The following EDIL3 variants were observed in gnomAD, a reference collection of about 807,000 sequenced individuals.
EDIL3 encodes EGF-like repeat and discoidin I-like domain-containing protein 3.
A neutral mutation model predicts 67.4 loss-of-function variants in EDIL3; 37 were observed. That is an observed-to-expected ratio of 0.55 (90% CI 0.42 to 0.72). The LOEUF (loss-of-function observed/expected upper bound fraction) is 0.72, where lower values mean the gene tolerates loss of function less well. Ranked by LOEUF, EDIL3 falls within the 30% of genes least tolerant of loss-of-function variation. EDIL3 has a pLI of 0.00. For missense variants in EDIL3, 527 were observed against 586.3 expected (o/e 0.90, Z 1.04); for synonymous variants, 195 against 196.3 (o/e 0.99, Z 0.05).
At chr5:84,193,294 G>C (rs1743629377) in intron 3 of EDIL3, among the ~76,000 whole-genome samples, 2 of 151,914 alleles carry the variant, frequency 1.3e-5, no homozygotes, top group Non-Finnish European at 2.9e-5. Flanking sequence ...TGGTGGGCTG[G>C]TAGGTATGGA....
intron 4 of EDIL3, among the ~76,000 whole-genome samples, chr5:84,169,245 T>C (rs1356256001): frequency 6.6e-6 from 1 of 152,136 alleles, no homozygotes; most frequent in African/African-American, 2.4e-5. Context: ...TAATTATAGA[T>C]TCATATCCAT....
At chr5:84,066,735 G>C (rs964400112) in intron 6 of EDIL3, 129 bp from the exon 7 acceptor site, 3 of 1,225,740 alleles carry the variant, frequency 2.4e-6, no homozygotes, top group Non-Finnish European at 3.3e-6. Context: ...TAATTTTCAT[G>C]GATAAATGTT....
chr5:83,947,840 C>G (rs1321148356), intron 10 of EDIL3, among the ~76,000 whole-genome samples: 1 of 151,844 alleles, frequency 6.6e-6, no homozygotes, highest in Non-Finnish European at 1.5e-5. Context: ...ATAATTGACA[C>G]AAACCTCTCA....
chr5:84,275,799 G>A (rs1427943819), intron 1 of EDIL3, among the ~76,000 whole-genome samples: 1 of 152,174 alleles, frequency 6.6e-6, no homozygotes, highest in African/African-American at 2.4e-5. Flanking sequence ...CCTAGAGGGA[G>A]GAAGTGGATG....
intron 2 of EDIL3, among the ~76,000 whole-genome samples, chr5:84,236,178 C>T (rs571750071): frequency 6.6e-6 from 1 of 152,054 alleles, no homozygotes; most frequent in East Asian, 1.9e-4. Context: ...ATTTTTGCCA[C>T]TGAGTAAGAA....
intron 3 of EDIL3, among the ~76,000 whole-genome samples, chr5:84,225,753 G>A (rs1444635546): frequency 6.6e-6 from 1 of 151,336 alleles, no homozygotes; most frequent in African/African-American, 2.4e-5. Flanking sequence ...AACTCTGTGT[G>A]CCTATAGAAT....
Position 84,082,946 on chromosome 5 carries a change from C to T in EDIL3, c.652-16340G>A, listed in dbSNP as rs570661839. On this transcript the variant is annotated intron_variant, in intron 6 of 10. Transcript: ENST00000296591. Reference sequence around the variant, plus strand: ...AATCAGACCTACACTGTCAATATTCCGTAATCTCTTAACACGTCCCCTGAT... The same window carrying T: ...AATCAGACCTACACTGTCAATATTCTGTAATCTCTTAACACGTCCCCTGAT... 2.6e-5 allele frequency among the ~76,000 whole-genome samples: 4 copies of T among 152,176 alleles called. No individual in the cohort carries two copies. The East Asian group carries it at 7.7e-4, about 29-fold the overall frequency.
intron 5 of EDIL3, 126 bp downstream of exon 5, chr5:84,137,115 G>T: frequency 1.5e-6 from 1 of 679,812 alleles, no homozygotes. Context: ...TTTTGGCCCA[G>T]ATTTCAAAAT....
At chr5:84,061,703 T>C (rs563089285) in intron 8 of EDIL3, among the ~76,000 whole-genome samples, 2 of 152,248 alleles carry the variant, frequency 1.3e-5, no homozygotes, top group Admixed American at 6.5e-5. Context: ...AATTACTTAA[T>C]AAACATAAAG....
intron 9 of EDIL3, among the ~76,000 whole-genome samples, chr5:83,970,863 C>T (rs1370119417): frequency 1.3e-5 from 2 of 151,330 alleles, no homozygotes; most frequent in African/African-American, 4.8e-5. Context: ...TTGGACAGAA[C>T]AAAGTTGGTG....
Position 84,111,708 on chromosome 5 carries a change from T to C in EDIL3, c.470-4878A>G, listed in dbSNP as rs927469426. 7.4e-4 allele frequency among the ~76,000 whole-genome samples: 112 copies of C among 152,140 alleles called. 1 individual carries two copies. The highest frequency in any genetic ancestry group is 2.6e-3 in the African/African-American group (108 of 41,432). ...TGAATCAAGTGTGGGTGTCAGGTGA[T>C]CAGAGATGGCCTTTCTGAGAGGTTA... On this transcript the variant is annotated intron_variant, in intron 5 of 10. Transcript: ENST00000296591.
chr5:84,180,567 A>G, intron 3 of EDIL3, 46 bp from the exon 4 acceptor site: 1 of 1,510,204 alleles, frequency 6.6e-7, no homozygotes, highest in Non-Finnish European at 8.8e-7. Context: ...TATTCTTAAA[A>G]GTAGACATTA....
Position 83,981,634 on chromosome 5 carries a change from G to C in EDIL3, c.1138-18274C>G, listed in dbSNP as rs553767372. 2.6e-5 allele frequency among the ~76,000 whole-genome samples: 4 copies of C among 152,104 alleles called. No homozygotes were observed. In the East Asian group the frequency reaches 7.7e-4, roughly 29 times the overall value. ...AAAACACTAAATCCGTGAATGCAAA[G>C]TAACCGATGATTAGCCAACTTCTGA... is the stretch of plus-strand genomic sequence containing the variant. On this transcript the variant is annotated intron_variant, in intron 9 of 10. Coordinates refer to ENST00000296591, the MANE Select transcript of EDIL3 (RefSeq NM_005711.5).
At chr5:84,010,111 C>T (rs73145928) in intron 9 of EDIL3, among the ~76,000 whole-genome samples, 8,084 of 152,192 alleles carry the variant, frequency 0.053, 666 homozygotes, top group African/African-American at 0.18. Flanking sequence ...AGTAAAGTAC[C>T]ACCTCCTAGG....
chr5:84,002,348 A>C (rs545799927), intron 9 of EDIL3, among the ~76,000 whole-genome samples: 5 of 152,312 alleles, frequency 3.3e-5, no homozygotes, highest in East Asian at 3.9e-4. Context: ...GGGAAAAAAA[A>C]CTGAAAGTAT....
At chr5:84,290,289 GAGCTCTTTT>G (rs1745887645) in intron 1 of EDIL3, among the ~76,000 whole-genome samples, 1 of 152,116 alleles carries the variant, frequency 6.6e-6, no homozygotes, top group Non-Finnish European at 1.5e-5. Flanking sequence ...CACTATCTGA[GAGCTCTTTT>G]ACAACCACCA....
At chr5:84,197,273 A>G (rs1743729945) in intron 3 of EDIL3, among the ~76,000 whole-genome samples, 1 of 152,046 alleles carries the variant, frequency 6.6e-6, no homozygotes. Context: ...CTGGGAGGAC[A>G]TAAGAGGAAT....
At chr5:84,010,981 A>C (rs1001473737) in intron 9 of EDIL3, among the ~76,000 whole-genome samples, 1 of 152,206 alleles carries the variant, frequency 6.6e-6, no homozygotes, top group African/African-American at 2.4e-5. Flanking sequence ...TTGTATGTAA[A>C]ATGGGATGAA....
chr5:84,243,071 ATG>A (rs35700768), intron 2 of EDIL3, among the ~76,000 whole-genome samples: 89,577 of 151,386 alleles, frequency 0.59, 26,678 homozygotes, highest in East Asian at 0.82. Flanking sequence ...AGGTTATTTT[ATG>A]TGTGTGTGTG....
Sources: gnomAD v4.1 joint callset for allele counts (sites outside exome capture counted in the v4.1 genomes callset) on GRCh38, gnomAD v4.1.1 for gene constraint, MANE v1.5 for transcripts, NCBI Gene and HGNC (gene_info 2026-07-23, HGNC 2026-07-21) for gene names.